The following ECT2L variants were observed in gnomAD, a reference collection of about 807,000 sequenced individuals.
ECT2L encodes epithelial cell transforming 2 like.
Under a neutral mutation model 122.8 loss-of-function variants are expected in ECT2L, and 126 were observed. That is an observed-to-expected ratio of 1.03 (90% CI 0.89 to 1.19). ECT2L has a LOEUF of 1.19. Among genes scored for constraint, ECT2L ranks in the 50% most tolerant of loss-of-function variants. The pLI, the probability that ECT2L is intolerant of heterozygous loss-of-function variation, is 0.00. For synonymous variants in ECT2L, 385 were observed against 381.8 expected (o/e 1.01, Z -0.10); for missense variants, 1,012 against 1,064.1 (o/e 0.95, Z 0.68).
chr6:138,860,707 ATTTTTT>A (rs35611410), intron 10 of ECT2L, among the ~76,000 whole-genome samples: 2 of 135,796 alleles, frequency 1.5e-5, no homozygotes, highest in Non-Finnish European at 3.1e-5. Flanking sequence ...TGAAGGGGCT[ATTTTTT>A]TTTTTTTTTT....
intron 18 of ECT2L, 82 bp downstream of exon 18, chr6:138,885,912 C>T: frequency 1.5e-6 from 2 of 1,376,584 alleles, no homozygotes; most frequent in South Asian, 2.8e-5. Context: ...CCTGAGACAC[C>T]TTATCTTCTT....
chr6:138,803,955 C>G (rs562447771), intron 1 of ECT2L, among the ~76,000 whole-genome samples: 1 of 152,220 alleles, frequency 6.6e-6, no homozygotes, highest in Non-Finnish European at 1.5e-5. Flanking sequence ...CCACGTTGTA[C>G]TCTCTCTTCT....
At chr6:138,802,789 G>A (rs1479342292) in intron 1 of ECT2L, among the ~76,000 whole-genome samples, 2 of 152,060 alleles carry the variant, frequency 1.3e-5, no homozygotes, top group African/African-American at 4.8e-5. Flanking sequence ...AAAATAATAT[G>A]AGGCAGGCAG....
intron 13 of ECT2L, chr6:138,870,215 C>T (rs555518639): frequency 4.6e-5 from 7 of 152,540 alleles, no homozygotes; most frequent in East Asian, 1.9e-4. Context: ...GAATTTTTGT[C>T]GTATTTTCTG....
At chr6:138,843,835 G>A (rs1777126848) in intron 6 of ECT2L, among the ~76,000 whole-genome samples, 3 of 152,024 alleles carry the variant, frequency 2.0e-5, no homozygotes, top group Admixed American at 6.6e-5. Context: ...GGCCACAGGT[G>A]CACACCACCA....
chr6:138,799,456 T>C (rs796290097), intron 1 of ECT2L, among the ~76,000 whole-genome samples: 15 of 152,130 alleles, frequency 9.9e-5, no homozygotes, highest in South Asian at 8.3e-4. Flanking sequence ...GGGGTTTCAC[T>C]GTGTTAGCCA....
intron 4 of ECT2L, among the ~76,000 whole-genome samples, chr6:138,829,816 G>A (rs1054886687): frequency 6.6e-5 from 10 of 151,654 alleles, no homozygotes; most frequent in South Asian, 2.1e-4. Flanking sequence ...TCCGCCTCCC[G>A]GGTTCCAGCG....
At chr6:138,841,344 G>A (rs1217610637) in intron 5 of ECT2L, among the ~76,000 whole-genome samples, 5 of 152,186 alleles carry the variant, frequency 3.3e-5, no homozygotes, top group Non-Finnish European at 5.9e-5. Flanking sequence ...TTGAGTCTCT[G>A]GGTGATGTTT....
chr6:138,893,224 CG>C (rs1779097901), intron 20 of ECT2L, among the ~76,000 whole-genome samples: 1 of 144,510 alleles, frequency 6.9e-6, no homozygotes, highest in Non-Finnish European at 1.5e-5. Context: ...TAACATGAGA[CG>C]TAAGGTTAGA....
At chr6:138,901,147 C>T (rs368866810) in intron 21 of ECT2L, 27 bp downstream of exon 21, 317 of 1,603,702 alleles carry the variant, frequency 2.0e-4, no homozygotes, top group Non-Finnish European at 2.6e-4. Flanking sequence ...TTCCAAGAGA[C>T]AGATACCTTC....
At position 138,882,747 on chromosome 6, in the gene ECT2L, A is replaced by G; in HGVS notation, c.1904A>G (p.Asp635Gly). The change falls in exon 16 of 22, where the codon GAC becomes GGC. Residue 635 changes from aspartate (D) to glycine (G), a missense_variant. Physicochemically the swap from Asp to Gly is moderately conservative, Grantham distance 94. Coordinates refer to ENST00000541398, the MANE Select transcript of ECT2L (RefSeq NM_001077706.3). ...AGGCAGTTTCTAGATAACCTGAGAG[A>G]CAGACTGCAGGAATGGGGCCCAGCT... ...LNRQFLDNLR[D>G]RLQEWGPAHC... The G allele has an allele frequency of 1.2e-6, 2 of 1,614,168 alleles. No individual in the cohort carries two copies. The highest frequency in any genetic ancestry group is 1.7e-6 in the Non-Finnish European group (2 of 1,180,018).
At chr6:138,842,689 A>G (rs575153651) in intron 5 of ECT2L, among the ~76,000 whole-genome samples, 294 of 148,012 alleles carry the variant, frequency 2.0e-3, no homozygotes, top group African/African-American at 6.2e-3. Context: ...GGAGAATGGC[A>G]TGAACCCGGG....
In ECT2L at chr6:138,868,248, T is replaced by C. The variant is rs1189418620; in HGVS notation, c.1578+42T>C. The C allele has an allele frequency of 2.6e-6, 4 of 1,538,034 alleles. No homozygotes were observed. The South Asian group carries it at 4.6e-5, about 18-fold the overall frequency. ...AGAAAGTAAACTATGAAAACCAACATTTAAATAAATTCTGTTTGCAGTTAT... is the reference window on the plus strand; with the variant it reads ...AGAAAGTAAACTATGAAAACCAACACTTAAATAAATTCTGTTTGCAGTTAT... On this transcript the variant is annotated intron_variant, in intron 13 of 21. Coordinates refer to ENST00000541398, the MANE Select transcript of ECT2L (RefSeq NM_001077706.3).
intron 20 of ECT2L, among the ~76,000 whole-genome samples, chr6:138,889,468 C>T (rs960268661): frequency 1.3e-5 from 2 of 152,074 alleles, no homozygotes; most frequent in East Asian, 1.9e-4. Flanking sequence ...TACAGGCACC[C>T]GTCACCATGC....
chr6:138,858,595 T>C (rs748126121), intron 10 of ECT2L, among the ~76,000 whole-genome samples: 15 of 152,006 alleles, frequency 9.9e-5, no homozygotes, highest in African/African-American at 1.9e-4. Context: ...AGTTTCCTCA[T>C]GCCATTCCAT....
chr6:138,831,643 C>T (rs769486676), intron 4 of ECT2L, among the ~76,000 whole-genome samples: 5 of 152,162 alleles, frequency 3.3e-5, no homozygotes, highest in Non-Finnish European at 7.4e-5. Context: ...TGTAATTTCA[C>T]CTTTATTTAT....
At chr6:138,852,493 G>A (rs1363504906) in intron 9 of ECT2L, among the ~76,000 whole-genome samples, 1 of 152,118 alleles carries the variant, frequency 6.6e-6, no homozygotes, top group Non-Finnish European at 1.5e-5. Flanking sequence ...GATGAGGGGA[G>A]AGAAGGAATA....
At chr6:138,857,445 C>G (rs1777652406) in intron 10 of ECT2L, among the ~76,000 whole-genome samples, 1 of 152,114 alleles carries the variant, frequency 6.6e-6, no homozygotes, top group Non-Finnish European at 1.5e-5. Flanking sequence ...TCTAGGCCCT[C>G]CATCCTCACC....
intron 13 of ECT2L, among the ~76,000 whole-genome samples, chr6:138,870,012 A>G (rs79906195): frequency 0.012 from 1,841 of 152,334 alleles, 17 homozygotes; most frequent in Middle Eastern, 0.02. Flanking sequence ...AGAAAGTCTC[A>G]TGTACTGACT....
Sources: allele counts gnomAD v4.1 joint callset (sites outside exome capture counted in the v4.1 genomes callset), GRCh38; gene constraint gnomAD v4.1.1; transcripts MANE v1.5; gene names NCBI Gene and HGNC (gene_info 2026-07-23, HGNC 2026-07-21).